Variants in CA10 observed in about 807,000 individuals in gnomAD.
CA10 encodes the protein carbonic anhydrase 10 (inactive).
In CA10, 14 loss-of-function variants were observed where a neutral mutation model predicts 44.2. The ratio of observed to expected loss-of-function variants is 0.32; its 90% CI spans 0.21 to 0.50. CA10 has a LOEUF of 0.50. CA10 is among the 20% of genes least tolerant of loss of function. The pLI is 0.99. For missense variants in CA10, 350 were observed against 409.7 expected, an observed-to-expected ratio of 0.85 and a Z score of 1.26; for synonymous variants, 159 against 141.6, an observed-to-expected ratio of 1.12 and a Z score of -0.87.
At chr17:52,054,516 AC>A (rs760673316) in intron 2 of CA10, among the ~76,000 whole-genome samples, 97 of 151,952 alleles carry the variant, frequency 6.4e-4, no homozygotes, top group Non-Finnish European at 1.2e-3. Context: ...ATATTTTGTT[AC>A]CTTGTAAAAC....
chr17:51,945,058 T>C (rs1983223239), intron 2 of CA10, among the ~76,000 whole-genome samples: 1 of 152,190 alleles, frequency 6.6e-6, no homozygotes, highest in East Asian at 1.9e-4. Flanking sequence ...CACTTAGCAG[T>C]TGTCAGAAAG....
At position 51,997,412 on chromosome 17, in the gene CA10, A is replaced by G. The variant is rs115185562; in HGVS notation, c.137-66280T>C. Among the ~76,000 whole-genome samples, 1,146 of 152,186 alleles carry G rather than the reference A, an allele frequency of 7.5e-3. 12 individuals are homozygous for G. The highest frequency in any genetic ancestry group is 0.026 in the African/African-American group (1,089 of 41,542). On this transcript the variant is annotated intron_variant, in intron 2 of 8. Transcript: ENST00000451037. The stretch of plus-strand genomic sequence containing the variant: ...ATTTTGCATCATGCCAGGTGACATA[A>G]AAGTGTAAAAAAGTAGTAGATGGTA...
chr17:52,112,923 G>C (rs992777156), intron 1 of CA10, among the ~76,000 whole-genome samples: 9 of 152,162 alleles, frequency 5.9e-5, no homozygotes, highest in Admixed American at 5.9e-4. Context: ...CAGCTGCGCA[G>C]AAGGGAAGCC....
intron 1 of CA10, among the ~76,000 whole-genome samples, chr17:52,114,426 A>T (rs1247768336): frequency 6.6e-6 from 1 of 152,206 alleles, no homozygotes; most frequent in African/African-American, 2.4e-5. Flanking sequence ...CCATCCACTG[A>T]GCCTCAGTTT....
chr17:51,698,857 G>A (rs1286928345), intron 4 of CA10, among the ~76,000 whole-genome samples: 2 of 152,082 alleles, frequency 1.3e-5, no homozygotes, highest in African/African-American at 4.8e-5. Flanking sequence ...TGTCTTCCAG[G>A]TTCATCCATG....
chr17:51,769,994 T>A (rs1451537571), intron 3 of CA10, among the ~76,000 whole-genome samples: 1 of 152,132 alleles, frequency 6.6e-6, no homozygotes, highest in African/African-American at 2.4e-5. Flanking sequence ...GGCCAGTTGC[T>A]GGAGGATCTG....
intron 4 of CA10, among the ~76,000 whole-genome samples, chr17:51,736,909 T>G (rs1270103436): frequency 6.6e-6 from 1 of 152,180 alleles, no homozygotes; most frequent in Admixed American, 6.5e-5. Flanking sequence ...TGTGTCATAT[T>G]TCACACCGCT....
intron 2 of CA10, among the ~76,000 whole-genome samples, chr17:51,997,207 G>A (rs996008388): frequency 5.3e-5 from 8 of 151,894 alleles, no homozygotes; most frequent in Admixed American, 1.3e-4. Flanking sequence ...TAGTACTTAC[G>A]CTAATTTACC....
rs1322975116 is a variant in CA10 at position 52,158,162 on chromosome 17, G to C, written c.-376C>G. On this transcript the variant is annotated 5_prime_UTR_variant, in exon 1 of 9. Transcript: ENST00000451037. ...AAGCCACCAACACTGGGCTCTTCCA[G>C]CAAAAACGAGACCCCGATTCGTCTG... 8.6e-6 allele frequency: 3 copies of C among 348,998 alleles called. No individual in the cohort carries two copies. The highest frequency in any genetic ancestry group is 9.0e-4 in the Middle Eastern group (1 of 1,112). 21.6% of individuals were successfully genotyped at this position (348,998 alleles called of 1,614,324 possible).
chr17:51,832,087 T>C (rs368662502), intron 3 of CA10, among the ~76,000 whole-genome samples: 2 of 152,276 alleles, frequency 1.3e-5, no homozygotes, highest in East Asian at 1.9e-4. Context: ...GTTGAACCCA[T>C]TGTCAGAGAG....
intron 4 of CA10, among the ~76,000 whole-genome samples, chr17:51,717,753 A>ATG (rs1916188999): frequency 2.1e-5 from 1 of 47,702 alleles, no homozygotes; most frequent in African/African-American, 8.2e-5. Flanking sequence ...ATACATGTAT[A>ATG]TATACGTATA....
intron 3 of CA10, among the ~76,000 whole-genome samples, chr17:51,902,403 ATTTAAT>A (rs758437717): frequency 2.6e-5 from 4 of 152,142 alleles, no homozygotes; most frequent in Non-Finnish European, 4.4e-5. Context: ...TTCTCAGTAA[ATTTAAT>A]TTTATCTTTT....
chr17:51,728,937 G>T (rs1486123393), intron 4 of CA10, among the ~76,000 whole-genome samples: 1 of 152,148 alleles, frequency 6.6e-6, no homozygotes, highest in African/African-American at 2.4e-5. Flanking sequence ...GGTGGTTAGG[G>T]ACAGTTTCAG....
intron 4 of CA10, among the ~76,000 whole-genome samples, chr17:51,721,960 T>C (rs1252968338): frequency 6.6e-6 from 1 of 152,168 alleles, no homozygotes; most frequent in African/African-American, 2.4e-5. Flanking sequence ...TAGCAAATTA[T>C]CAAACATGAA....
intron 2 of CA10, among the ~76,000 whole-genome samples, chr17:52,053,435 T>C (rs1987134206): frequency 1.3e-5 from 2 of 152,198 alleles, no homozygotes; most frequent in African/African-American, 4.8e-5. Flanking sequence ...TTTAAAAAGT[T>C]CAATCAGTAT....
At chr17:51,963,275 A>T (rs1000830423) in intron 2 of CA10, among the ~76,000 whole-genome samples, 1 of 152,208 alleles carries the variant, frequency 6.6e-6, no homozygotes, top group Non-Finnish European at 1.5e-5. Flanking sequence ...GTGTAAAGTG[A>T]ACAAACCAAC....
At chr17:52,000,320 A>G (rs1282362783) in intron 2 of CA10, among the ~76,000 whole-genome samples, 1 of 152,076 alleles carries the variant, frequency 6.6e-6, no homozygotes, top group Non-Finnish European at 1.5e-5. Context: ...AGTGAAAGCA[A>G]TAAATCCACA....
At chr17:51,720,287 G>A (rs911453909) in intron 4 of CA10, among the ~76,000 whole-genome samples, 5 of 152,154 alleles carry the variant, frequency 3.3e-5, no homozygotes, top group Non-Finnish European at 5.9e-5. Flanking sequence ...TTATAGCACA[G>A]TATTATATAC....
chr17:51,990,840 T>C (rs1227928730), intron 2 of CA10, among the ~76,000 whole-genome samples: 1 of 152,108 alleles, frequency 6.6e-6, no homozygotes, highest in Non-Finnish European at 1.5e-5. Flanking sequence ...TGTCAACACC[T>C]AGTTGCTTTT....
Sources: allele counts gnomAD v4.1 joint callset (sites outside exome capture counted in the v4.1 genomes callset), GRCh38; gene constraint gnomAD v4.1.1; transcripts MANE v1.5; gene names NCBI Gene and HGNC (gene_info 2026-07-23, HGNC 2026-07-21).